PIKFYVE: variants seen among roughly 807,000 people sequenced by gnomAD.
PIKFYVE encodes phosphoinositide kinase, FYVE-type zinc finger containing.
Under a neutral mutation model 257.9 loss-of-function variants are expected in PIKFYVE, and 122 were observed. The ratio of observed to expected loss-of-function variants is 0.47; its 90% confidence interval spans 0.41 to 0.55. The LOEUF (loss-of-function observed/expected upper bound fraction) is 0.55. PIKFYVE is among the 20% of genes least tolerant of loss of function. The probability of loss-of-function intolerance (pLI) is 0.00; values close to 1 mark genes in which losing one functional copy is unlikely to be tolerated. For missense variants in PIKFYVE, 2,160 were observed against 2,536.6 expected, an observed-to-expected ratio of 0.85 and a Z score of 3.19; for synonymous variants, 892 against 868.9, an observed-to-expected ratio of 1.03 and a Z score of -0.47.
At position 208,298,629 on chromosome 2, in the gene PIKFYVE, T is replaced by C; in HGVS notation, c.912-12T>C. On this transcript the variant is annotated splice_polypyrimidine_tract_variant and intron_variant, in intron 7 of 41. Coordinates refer to ENST00000264380, the MANE Select transcript of PIKFYVE (RefSeq NM_015040.4). ...TTACACCTGTGATTTCACTTCTTGT[T>C]TTTATTTCCAGATCAGCCAGCATTA... 3 of 1,613,950 alleles carry C rather than the reference T, an allele frequency of 1.9e-6. No individual in the cohort carries two copies. Among genetic ancestry groups the C allele is most frequent in the Non-Finnish European group, 2.5e-6 (3 of 1,179,886 alleles).
rs1265676732 is a variant in PIKFYVE, at chr2:208,358,437, AAAAAT to A, written c.*3137_*3141del. 10 of 152,256 alleles carry A rather than the reference AAAAAT, an allele frequency of 6.6e-5. No individual in the cohort carries two copies. The South Asian group carries it at 2.1e-3, about 32-fold the overall frequency. The allele number at this position is 152,256 out of a possible 1,614,324, so 9.4% of individuals were successfully genotyped here. A position where few individuals can be genotyped will look rare whatever the true frequency, so the allele number is the denominator to read the frequency against. On this transcript the variant is annotated 3_prime_UTR_variant, in exon 42 of 42. Coordinates refer to ENST00000264380, the MANE Select transcript of PIKFYVE (RefSeq NM_015040.4). ...TAACACAGGTGCAGTGTATTATAGA[AAAAAT>A]AAAAACTACAATCATTAGCAGTTTT...
chr2:208,340,275 A>G (rs1698571248), intron 31 of PIKFYVE, 144 bp downstream of exon 31: 1 of 1,111,074 alleles, frequency 9.0e-7, no homozygotes, highest in South Asian at 1.5e-5. Context: ...GTCTTTTGAT[A>G]CAATGTAATT....
At chr2:208,280,161 C>G (rs145263096) in intron 5 of PIKFYVE, among the ~76,000 whole-genome samples, 1 of 152,126 alleles carries the variant, frequency 6.6e-6, no homozygotes, top group Non-Finnish European at 1.5e-5. Context: ...TTAATATGGT[C>G]GGTATGTTAG....
intron 4 of PIKFYVE, 55 bp downstream of exon 4, chr2:208,276,885 C>A: frequency 7.0e-7 from 1 of 1,425,936 alleles, no homozygotes; most frequent in South Asian, 1.2e-5. Flanking sequence ...GGGATCATGC[C>A]ATACCTAATG....
At chr2:208,270,880 A>G (rs1689333473) in intron 1 of PIKFYVE, among the ~76,000 whole-genome samples, 1 of 151,980 alleles carries the variant, frequency 6.6e-6, no homozygotes, top group African/African-American at 2.4e-5. Context: ...CTGAAAATAC[A>G]AAAAATTAAC....
intron 11 of PIKFYVE, 44 bp from the exon 12 acceptor site, chr2:208,304,802 C>G (rs1279260685): frequency 1.9e-6 from 3 of 1,579,128 alleles, no homozygotes; most frequent in Non-Finnish European, 1.7e-6. Context: ...CATTTTTACT[C>G]CCCTCCTCTC....
chr2:208,297,058 CA>C (rs1693080364), intron 7 of PIKFYVE, among the ~76,000 whole-genome samples: 1 of 152,050 alleles, frequency 6.6e-6, no homozygotes, highest in South Asian at 2.1e-4. Flanking sequence ...TGCTAATTTA[CA>C]GTCTATCTCC....
intron 31 of PIKFYVE, 74 bp from the exon 32 acceptor site, chr2:208,342,480 C>T (rs1698802049): frequency 2.7e-6 from 3 of 1,099,240 alleles, no homozygotes; most frequent in South Asian, 1.3e-5. Flanking sequence ...TATCTGCATA[C>T]ATTTTGGCTT....
At position 208,356,094 on chromosome 2, in the gene PIKFYVE, T is replaced by C. The variant is rs1200436718; in HGVS notation, c.*789T>C. ...GGGTTTTTTCTCTATTTTTAGGGTA[T>C]CATAGTAAATCATTAGTAAATGAGT... is the stretch of plus-strand genomic sequence containing the variant. On this transcript the variant is annotated 3_prime_UTR_variant, in exon 42 of 42. Transcript: ENST00000264380. 6.6e-6 allele frequency: 1 copy of C among 152,228 alleles called. No homozygotes were observed. Among genetic ancestry groups the C allele is most frequent in the African/African-American group, 2.4e-5 (1 of 41,456 alleles). The allele number at this position is 152,228 out of a possible 1,614,324, so 9.4% of individuals were successfully genotyped here.
intron 28 of PIKFYVE, among the ~76,000 whole-genome samples, chr2:208,338,030 A>AT (rs895071138): frequency 4.1e-5 from 6 of 147,376 alleles, no homozygotes; most frequent in Admixed American, 6.8e-5. Flanking sequence ...GCTCATTTTT[A>AT]TTTTTTTTTT....
At position 208,307,588 on chromosome 2, in the gene PIKFYVE, T is replaced by A. The variant is rs201007526; in HGVS notation, c.1636+2575T>A. ...GATAGATACATTTTTTTTTTTTTTT[T>A]AAAGATGGGTTCTTGATTTGACTTT... On this transcript the variant is annotated intron_variant, in intron 12 of 41. Coordinates refer to ENST00000264380, the MANE Select transcript of PIKFYVE (RefSeq NM_015040.4). Among the ~76,000 whole-genome samples, 364 of 121,758 alleles carry A rather than the reference T, an allele frequency of 3.0e-3. 2 individuals are homozygous for A. Among genetic ancestry groups the A allele is most frequent in the Middle Eastern group, 4.1e-3 (1 of 244 alleles). The allele number at this position is 121,758 out of a possible 152,430, so 79.9% of individuals were successfully genotyped here. A position where few individuals can be genotyped will look rare whatever the true frequency, so the allele number is the denominator to read the frequency against.
intron 24 of PIKFYVE, 40 bp downstream of exon 24, chr2:208,333,533 C>A (rs370820704): frequency 1.5e-5 from 24 of 1,588,846 alleles, no homozygotes; most frequent in African/African-American, 2.7e-5. Flanking sequence ...TCTCAGATCT[C>A]ATAATCCCTT....
At chr2:208,333,857 G>T (rs965731766) in intron 24 of PIKFYVE, among the ~76,000 whole-genome samples, 1 of 152,068 alleles carries the variant, frequency 6.6e-6, no homozygotes, top group Non-Finnish European at 1.5e-5. Flanking sequence ...TGTTACCCAG[G>T]CTGGTCTTGA....
chr2:208,289,317 A>G (rs1010866269), intron 7 of PIKFYVE, among the ~76,000 whole-genome samples: 3 of 152,264 alleles, frequency 2.0e-5, no homozygotes, highest in Non-Finnish European at 2.9e-5. Flanking sequence ...AATGTCAAAC[A>G]TGCAGAAAAG....
At position 208,346,092 on chromosome 2, in the gene PIKFYVE, AC is replaced by A. The variant is rs1272020340; in HGVS notation, c.5156del (p.Pro1719LeufsTer3). The stretch of plus-strand genomic sequence containing the variant: ...CAAAGAGTAGCAGCCCTATCAGATT[AC>A]CTGAAATGAGTGGAGGACAGACAAA... ...RPKSSSPIRL[P>X]EMSGGQTNRT... On this transcript the variant is annotated frameshift_variant, in exon 34 of 42. Coordinates refer to ENST00000264380, the MANE Select transcript of PIKFYVE (RefSeq NM_015040.4). LOFTEE classifies it high-confidence loss of function. The A allele has an allele frequency of 2.5e-6, 4 of 1,613,362 alleles. No homozygotes were observed.
At position 208,335,384 on chromosome 2, in the gene PIKFYVE, G is replaced by A; in HGVS notation, c.4221G>A (p.Val1407=). ...IFIKRQAPLK[V]SLLQDLKDFF... is the part of the protein sequence containing the mutation. ...TTAAGCGTCAGGCCCCATTAAAAGT[G>A]TCCCTTCTTCAGGATCTGAAGGACT... Residue 1407 remains valine (V), a synonymous_variant, in exon 25 of 42, where the codon GTG becomes GTA. Transcript: ENST00000264380. 1 of 1,611,590 alleles carries A rather than the reference G, an allele frequency of 6.2e-7. No homozygotes were observed. The highest frequency in any genetic ancestry group is 8.5e-7 in the Non-Finnish European group (1 of 1,177,876).
At chr2:208,304,107 G>T in intron 10 of PIKFYVE, 64 bp from the exon 11 acceptor site, 1 of 1,527,974 alleles carries the variant, frequency 6.5e-7, no homozygotes, top group Non-Finnish European at 9.1e-7. Context: ...TATTTATAGT[G>T]TGACAGCCTC....
chr2:208,330,646 A>AT lies in PIKFYVE; in HGVS notation c.3916dup (p.Tyr1306LeufsTer12). 6.2e-7 allele frequency: 1 copy of AT among 1,614,128 alleles called. No homozygotes were observed. Among genetic ancestry groups the AT allele is most frequent in the Non-Finnish European group, 8.5e-7 (1 of 1,179,984 alleles). On this transcript the variant is annotated frameshift_variant, in exon 23 of 42. Coordinates refer to ENST00000264380, the MANE Select transcript of PIKFYVE (RefSeq NM_015040.4). LOFTEE classifies it high-confidence loss of function. ...AGGAGTTGGATTCTCCAGTACCTGGATATCAGCATACAATTCTTACATATT... is the reference window on the plus strand; with the variant it reads ...AGGAGTTGGATTCTCCAGTACCTGGATTATCAGCATACAATTCTTACATATT...
At chr2:208,298,892 G>T in intron 8 of PIKFYVE, 113 bp downstream of exon 8, 1 of 1,375,950 alleles carries the variant, frequency 7.3e-7, no homozygotes, top group East Asian at 2.5e-5. Flanking sequence ...GCCCAGGCTG[G>T]GGTGCAGTGG....
Sources: gnomAD v4.1 joint callset for allele counts (sites outside exome capture counted in the v4.1 genomes callset) on GRCh38, gnomAD v4.1.1 for gene constraint, MANE v1.5 for transcripts, NCBI Gene and HGNC (gene_info 2026-07-23, HGNC 2026-07-21) for gene names.